The following ZNF705A variants were observed in gnomAD, a reference collection of about 807,000 sequenced individuals.
ZNF705A encodes the protein zinc finger protein 705A.
ZNF705A carries 8 observed loss-of-function variants against 16.6 expected under a neutral mutation model. That is an observed-to-expected ratio of 0.48 (90% CI 0.28 to 0.87). The LOEUF is 0.87. ZNF705A is among the 40% of genes least tolerant of loss of function. The probability of loss-of-function intolerance (pLI) is 0.10; values close to 1 mark genes in which losing one functional copy is unlikely to be tolerated. For missense variants in ZNF705A, 233 were observed against 359.9 expected, an observed-to-expected ratio of 0.65 and a Z score of 2.85; for synonymous variants, 73 against 117.3, an observed-to-expected ratio of 0.62 and a Z score of 2.44.
intron 1 of ZNF705A, among the ~76,000 whole-genome samples, chr12:8,161,836 A>T (rs1473990203): frequency 1.3e-5 from 2 of 152,180 alleles, no homozygotes; most frequent in Non-Finnish European, 2.9e-5. Context: ...TCCTTGACCC[A>T]GTAACCTGTG....
intron 1 of ZNF705A, among the ~76,000 whole-genome samples, chr12:8,161,259 G>A (rs1299599070): frequency 2.6e-5 from 4 of 152,064 alleles, no homozygotes; most frequent in Non-Finnish European, 4.4e-5. Flanking sequence ...CAGGTCTGTA[G>A]TTTTCTTTTT....
At chr12:8,161,941 A>T (rs1948359294) in intron 1 of ZNF705A, among the ~76,000 whole-genome samples, 1 of 152,194 alleles carries the variant, frequency 6.6e-6, no homozygotes, top group South Asian at 2.1e-4. Context: ...TTGTGAGCAC[A>T]CCTCACCAGG....
chr12:8,174,547 T>A (rs1948470562), intron 2 of ZNF705A, 95 bp downstream of exon 3: 1 of 1,590,862 alleles, frequency 6.3e-7, no homozygotes, highest in Admixed American at 1.7e-5. Flanking sequence ...CACTCTAATC[T>A]CTTCTCTGCT....
upstream of ZNF705A, among the ~76,000 whole-genome samples, chr12:8,171,573 C>T (rs529901127): frequency 6.6e-6 from 1 of 152,164 alleles, no homozygotes; most frequent in Non-Finnish European, 1.5e-5. Context: ...TTTGTGTTTT[C>T]TGAGCATCCT....
In ZNF705A at chr12:8,178,023, CAT is replaced by C. The variant is rs201253547; in HGVS notation, c.*441_*442del. The C allele has an allele frequency of 4.2e-3, 769 of 184,568 alleles. 7 individuals carry two copies. Among genetic ancestry groups the C allele is most frequent in the African/African-American group, 0.017 (716 of 42,218 alleles). 11.4% of individuals were successfully genotyped at this position (184,568 alleles called of 1,614,324 possible). A position where few individuals can be genotyped will look rare whatever the true frequency, so the allele number is the denominator to read the frequency against. The stretch of plus-strand genomic sequence containing the variant: ...CTTCAGCAACAGCTTTAACTTAAAA[CAT>C]GTGGGACTTTCAGGTAGAGAATCTC... On this transcript the variant is annotated 3_prime_UTR_variant, in exon 5 of 5. Coordinates refer to ENST00000359286, the Ensembl canonical transcript of ZNF705A.
chr12:8,173,064 A>G (rs4242878), intron 1 of ZNF705A, among the ~76,000 whole-genome samples: 81,470 of 152,124 alleles, frequency 0.54, 22,002 homozygotes, highest in Non-Finnish European at 0.57. Context: ...GATGAATGCA[A>G]GCGATAGAGA....
At chr12:8,167,664 G>T (rs1948410815), upstream of ZNF705A, among the ~76,000 whole-genome samples, 1 of 152,062 alleles carries the variant, frequency 6.6e-6, no homozygotes, top group Admixed American at 6.6e-5. Flanking sequence ...GATGTGAACT[G>T]GTCTCATTCC....
chr12:8,159,826 A>ATGGCAAAG, intron 1 of ZNF705A, among the ~76,000 whole-genome samples: 1 of 152,206 alleles, frequency 6.6e-6, no homozygotes, highest in East Asian at 1.9e-4. Flanking sequence ...TCTTTGGTTT[A>ATGGCAAAG]ATTAAGTCCC....
exon 5 of ZNF705A, chr12:8,180,004 CTTCT>C (rs1333762120): frequency 5.3e-5 from 8 of 152,224 alleles, no homozygotes; most frequent in African/African-American, 9.7e-5. Flanking sequence ...TTTGAATTTG[CTTCT>C]TTATTTCCAT....
intron 4 of ZNF705A, 101 bp from the exon 6 acceptor site, chr12:8,176,898 G>A: frequency 4.0e-6 from 6 of 1,514,516 alleles, no homozygotes; most frequent in Non-Finnish European, 5.4e-6. Context: ...TTTCAACTGG[G>A]GTCTACCACT....
intron 1 of ZNF705A, among the ~76,000 whole-genome samples, chr12:8,159,004 A>G (rs1948332376): frequency 6.6e-6 from 1 of 151,986 alleles, no homozygotes; most frequent in Non-Finnish European, 1.5e-5. Context: ...CCATTGTATC[A>G]TTCTTATGCC....
exon 5 of ZNF705A, chr12:8,177,621 G>A (rs1948497142): frequency 6.4e-7 from 1 of 1,574,798 alleles, no homozygotes; most frequent in Non-Finnish European, 8.7e-7. Flanking sequence ...CCATATGAAT[G>A]CCATTTATGT....
chr12:8,170,120 TG>T (rs757702777), upstream of ZNF705A, among the ~76,000 whole-genome samples: 18 of 143,402 alleles, frequency 1.3e-4, no homozygotes, highest in South Asian at 4.0e-3. Flanking sequence ...ACCCGGGAGG[TG>T]GAGGTTGCAG....
chr12:8,163,465 C>G (rs1036046810), intron 1 of ZNF705A, among the ~76,000 whole-genome samples: 25 of 152,134 alleles, frequency 1.6e-4, no homozygotes, highest in Non-Finnish European at 3.2e-4. Flanking sequence ...ACTATTAGGC[C>G]ACCTTTTTTC....
chr12:8,167,217 G>A (rs1272900715), intron 1 of ZNF705A, among the ~76,000 whole-genome samples: 1 of 152,150 alleles, frequency 6.6e-6, no homozygotes, highest in Non-Finnish European at 1.5e-5. Flanking sequence ...TCCCTTGACT[G>A]GGAATGCTTT....
chr12:8,170,196 C>CAAAAAAAAAAAAAAAAAAAAAAAAA (rs1188328005), upstream of ZNF705A, among the ~76,000 whole-genome samples: 65 of 126,524 alleles, frequency 5.1e-4, 5 homozygotes, highest in African/African-American at 2.1e-3. Context: ...CCCCCCCCCC[C>CAAAAAAAAAAAAAAAAAAAAAAAAA]AAAAAAAAAA....
At chr12:8,162,341 A>G (rs1948362833) in intron 1 of ZNF705A, among the ~76,000 whole-genome samples, 1 of 152,212 alleles carries the variant, frequency 6.6e-6, no homozygotes, top group Non-Finnish European at 1.5e-5. Flanking sequence ...GAAAGGGACT[A>G]TTTATACTGA....
chr12:8,178,602 A>C (rs1365509203), exon 5 of ZNF705A: 2 of 152,238 alleles, frequency 1.3e-5, no homozygotes, highest in African/African-American at 4.8e-5. Context: ...ATAATTCAGA[A>C]ATTTGAGAAA....
intron 1 of ZNF705A, among the ~76,000 whole-genome samples, chr12:8,166,547 GC>G (rs1477501506): frequency 2.0e-5 from 3 of 152,196 alleles, no homozygotes; most frequent in African/African-American, 7.2e-5. Flanking sequence ...TGTAAGACAT[GC>G]CTTTTGCCTT....
Sources: allele counts gnomAD v4.1 joint callset (sites outside exome capture counted in the v4.1 genomes callset), GRCh38; gene constraint gnomAD v4.1.1; transcripts MANE v1.5; gene names NCBI Gene and HGNC (gene_info 2026-07-23, HGNC 2026-07-21).